The following SAMD3 variants were observed in gnomAD, a reference collection of about 807,000 sequenced individuals.
SAMD3 encodes the protein sterile alpha motif domain containing 3, also known as sterile alpha motif domain-containing protein 3.
A neutral mutation model predicts 58.5 loss-of-function variants in SAMD3; 63 were observed. The ratio of observed to expected loss-of-function variants is 1.08; its 90% CI spans 0.88 to 1.33. SAMD3 has a LOEUF of 1.33. Among genes scored for constraint, SAMD3 ranks in the 40% most tolerant of loss-of-function variants. The pLI, the probability that SAMD3 is intolerant of heterozygous loss-of-function variation, is 0.00. For synonymous variants in SAMD3, 220 were observed against 210.3 expected, an observed-to-expected ratio of 1.05 and a Z score of -0.40; for missense variants, 604 against 608.4, an observed-to-expected ratio of 0.99 and a Z score of 0.08.
Position 130,172,519 on chromosome 6 carries a change from TG to T in SAMD3, c.822+3321del, listed in dbSNP as rs1309114274. The stretch of plus-strand genomic sequence containing the variant: ...GGTTGAAAATTCTTTTCTTTAAGAA[TG>T]TTGAATATTGGACCCCACTCTTTTC... On this transcript the variant is annotated intron_variant, in intron 8 of 11. Transcript: ENST00000439090. Among the ~76,000 whole-genome samples, 13 of 152,350 alleles carry T rather than the reference TG, an allele frequency of 8.5e-5. No individual in the cohort carries two copies. In the East Asian group the frequency reaches 2.5e-3, roughly 29 times the overall value.
In SAMD3 at chr6:130,208,444, C is replaced by T. The variant is rs183265646; in HGVS notation, c.383+1051G>A. ...AAGCCACACAGCAGGAGGTGAGCAGCGGGTGAGCGAGCAAGGTTTCATCTG... is the reference window on the plus strand; with the variant it reads ...AAGCCACACAGCAGGAGGTGAGCAGTGGGTGAGCGAGCAAGGTTTCATCTG... On this transcript the variant is annotated intron_variant, in intron 5 of 11. Coordinates refer to ENST00000439090, the MANE Select transcript of SAMD3 (RefSeq NM_001017373.4). 1.3e-3 allele frequency among the ~76,000 whole-genome samples: 201 copies of T among 152,252 alleles called. 5 individuals carry two copies. Among genetic ancestry groups the T allele is most frequent in the Admixed American group, 0.012 (181 of 15,286 alleles).
At chr6:130,349,202 A>T (rs1167469768) in intron 1 of SAMD3, among the ~76,000 whole-genome samples, 1 of 152,264 alleles carries the variant, frequency 6.6e-6, no homozygotes, top group African/African-American at 2.4e-5. Flanking sequence ...TTCAAAAGCT[A>T]TCAGAAGGCA....
intron 2 of SAMD3, among the ~76,000 whole-genome samples, chr6:130,261,354 A>T (rs2114922832): frequency 6.8e-6 from 1 of 147,684 alleles, no homozygotes; most frequent in Non-Finnish European, 1.5e-5. Flanking sequence ...ACTTGGTTTG[A>T]ATTGCTTGAC....
At chr6:130,272,852 AC>A in intron 2 of SAMD3, among the ~76,000 whole-genome samples, 1 of 152,260 alleles carries the variant, frequency 6.6e-6, no homozygotes, top group African/African-American at 2.4e-5. Context: ...GTAGATATGA[AC>A]TTTTAACGAT....
At chr6:130,180,689 T>C (rs1013927453) in intron 7 of SAMD3, among the ~76,000 whole-genome samples, 1 of 152,130 alleles carries the variant, frequency 6.6e-6, no homozygotes. Flanking sequence ...GTGTGCTTAC[T>C]TTAGTGATGT....
chr6:130,184,802 G>A (rs1176265842), intron 5 of SAMD3, among the ~76,000 whole-genome samples, 179 bp from the exon 6 acceptor site: 1 of 152,170 alleles, frequency 6.6e-6, no homozygotes, highest in Admixed American at 6.5e-5. Context: ...CTCATTAAGT[G>A]TCTTTGTCCA....
intron 8 of SAMD3, among the ~76,000 whole-genome samples, chr6:130,170,626 C>A (rs1791161013): frequency 6.6e-6 from 1 of 152,180 alleles, no homozygotes; most frequent in Non-Finnish European, 1.5e-5. Context: ...ATTTCTTGAG[C>A]AGTGGTTTGT....
intron 11 of SAMD3, 47 bp downstream of exon 11, chr6:130,145,293 A>C: frequency 4.7e-6 from 4 of 859,008 alleles, no homozygotes; most frequent in Non-Finnish European, 7.1e-6. Context: ...AAATAATCGC[A>C]TGAAGATGTA....
At chr6:130,273,570 T>C (rs1043665246) in intron 2 of SAMD3, among the ~76,000 whole-genome samples, 20 of 151,924 alleles carry the variant, frequency 1.3e-4, no homozygotes, top group Admixed American at 3.9e-4. Flanking sequence ...TGTTCTTTTT[T>C]CTCCTCTTGA....
Position 130,154,944 on chromosome 6 carries a change from A to C in SAMD3, c.904T>G (p.Trp302Gly), listed in dbSNP as rs553683601. 6.2e-7 allele frequency: 1 copy of C among 1,613,356 alleles called. No individual in the cohort carries two copies. The highest frequency in any genetic ancestry group is 8.5e-7 in the Non-Finnish European group (1 of 1,179,732). Residue 302 changes from tryptophan to glycine, a missense_variant, in exon 9 of 12, where the codon TGG becomes GGG. Coordinates refer to ENST00000439090, the MANE Select transcript of SAMD3 (RefSeq NM_001017373.4). ...QQEYVKTEKD[W>G]REIDKRMSQT... ...CTCATTCTCTTGTCAATTTCTCTCCAGTCCTTTTCTGTTTTCACGTATTCT... is the reference window on the plus strand; with the variant it reads ...CTCATTCTCTTGTCAATTTCTCTCCCGTCCTTTTCTGTTTTCACGTATTCT...
Position 130,336,182 on chromosome 6 carries a change from T to A in SAMD3, c.-303-23089A>T, listed in dbSNP as rs535438056. Among the ~76,000 whole-genome samples, 18 of 152,250 alleles carry A rather than the reference T, an allele frequency of 1.2e-4. No homozygotes were observed. The South Asian group carries it at 3.7e-3, about 32-fold the overall frequency. ...AGTATAATAATAATACAATAAAATT[T>A]AAAAATTTAGTAATACAATGTATTA... On this transcript the variant is annotated intron_variant, in intron 1 of 13. Transcript: ENST00000368134.
chr6:130,365,363 C>G (rs1432909697), exon 1 of SAMD3: 1 of 985,460 alleles, frequency 1.0e-6, no homozygotes, highest in Non-Finnish European at 1.2e-6. Flanking sequence ...CCAAGCCGTT[C>G]TCCGGAACCC....
chr6:130,145,551 T>C, intron 10 of SAMD3, 129 bp from the exon 11 acceptor site: 2 of 580,006 alleles, frequency 3.4e-6, no homozygotes, highest in Non-Finnish European at 6.2e-6. Context: ...CTTAGATCAA[T>C]GTTTCACACC....
intron 1 of SAMD3, among the ~76,000 whole-genome samples, chr6:130,219,402 G>C (rs1796130862): frequency 2.0e-5 from 3 of 151,996 alleles, no homozygotes; most frequent in Admixed American, 1.3e-4. Context: ...AAGTTCTTTA[G>C]TGGTGATTTG....
intron 1 of SAMD3, among the ~76,000 whole-genome samples, chr6:130,344,578 C>T (rs60437430): frequency 0.014 from 2,096 of 152,070 alleles, 41 homozygotes; most frequent in African/African-American, 0.046. Flanking sequence ...GATGGGGATT[C>T]GCCATGTTGG....
intron 2 of SAMD3, among the ~76,000 whole-genome samples, chr6:130,261,404 A>T (rs1774132367): frequency 6.6e-6 from 1 of 152,084 alleles, no homozygotes; most frequent in African/African-American, 2.4e-5. Flanking sequence ...ATTTGAGTGG[A>T]AGCATGGCCT....
At chr6:130,306,392 G>A (rs1048925972) in intron 2 of SAMD3, among the ~76,000 whole-genome samples, 3 of 152,172 alleles carry the variant, frequency 2.0e-5, no homozygotes, top group African/African-American at 7.2e-5. Context: ...GAGGGTTAGA[G>A]AAGCAAAAGA....
chr6:130,302,536 A>G (rs1775786408), intron 2 of SAMD3, among the ~76,000 whole-genome samples: 1 of 152,254 alleles, frequency 6.6e-6, no homozygotes, highest in African/African-American at 2.4e-5. Flanking sequence ...TCAAAGAACT[A>G]AAAATAGAAC....
At chr6:130,167,122 A>T (rs1396549556) in intron 8 of SAMD3, among the ~76,000 whole-genome samples, 2 of 152,140 alleles carry the variant, frequency 1.3e-5, no homozygotes, top group Non-Finnish European at 2.9e-5. Flanking sequence ...GGTTAAAATC[A>T]ATGGACTTGA....
Sources: gnomAD v4.1 joint callset for allele counts (sites outside exome capture counted in the v4.1 genomes callset) on GRCh38, gnomAD v4.1.1 for gene constraint, MANE v1.5 for transcripts, NCBI Gene and HGNC (gene_info 2026-07-23, HGNC 2026-07-21) for gene names.